Variants in DERPC observed in about 807,000 individuals in gnomAD.
DERPC encodes DERPC proline and glycine rich nuclear protein.
A neutral mutation model predicts 7.2 loss-of-function variants in DERPC; 1 was observed. The ratio of observed to expected loss-of-function variants is 0.14; its 90% CI spans 0.05 to 0.66. DERPC has a LOEUF of 0.66. Ranked by LOEUF, DERPC falls within the 30% of genes least tolerant of loss-of-function variation. The pLI, the probability that DERPC is intolerant of heterozygous loss-of-function variation, is 0.84. For missense variants in DERPC, 502 were observed against 299.4 expected (o/e 1.68, Z -4.99); for synonymous variants, 185 against 117.6 (o/e 1.57, Z -3.71).
At chr16:69,129,089 C>CAA (rs768378198) in intron 1 of DERPC, among the ~76,000 whole-genome samples, 1 of 144,562 alleles carries the variant, frequency 6.9e-6, no homozygotes, top group Admixed American at 6.9e-5. Context: ...TGAAACAAAA[C>CAA]AAAAAAAAAA....
In DERPC at chr16:69,119,043, A is replaced by C. The variant is rs1161489340; in HGVS notation, c.1386T>G (p.Ala462=). ...SPAGPVGINP[A]PFTRPTGTLG... is the part of the protein sequence containing the mutation. ...GGGTCCCAGTTGGCCTTGTGAAAGGAGCTGGGTTGATACCCACAGGGCCAG... is the reference window on the plus strand; with the variant it reads ...GGGTCCCAGTTGGCCTTGTGAAAGGCGCTGGGTTGATACCCACAGGGCCAG... The change falls in exon 3 of 3, where the codon GCT becomes GCG. Residue 462 remains alanine, a synonymous_variant. Coordinates refer to ENST00000519520, the MANE Select transcript of DERPC (RefSeq NM_001002847.4). The C allele has an allele frequency of 5.7e-6, 4 of 702,948 alleles. No individual in the cohort carries two copies. The African/African-American group carries it at 7.0e-5, about 12-fold the overall frequency. The allele number at this position is 702,948 out of a possible 1,614,324, so 43.5% of individuals were successfully genotyped here.
intron 1 of DERPC, among the ~76,000 whole-genome samples, chr16:69,126,391 A>G (rs1443416987): frequency 6.6e-6 from 1 of 152,234 alleles, no homozygotes; most frequent in East Asian, 1.9e-4. Flanking sequence ...GGGATGGCAC[A>G]GCTGTACTTG....
Position 69,120,696 on chromosome 16 carries a change from A to AT in DERPC, c.-221-48dup. 1 of 1,535,662 alleles carries AT rather than the reference A, an allele frequency of 6.5e-7. No homozygotes were observed. Among genetic ancestry groups the AT allele is most frequent in the Non-Finnish European group, 8.9e-7 (1 of 1,119,054 alleles). On this transcript the variant is annotated intron_variant, in intron 2 of 2. Transcript: ENST00000519520. The surrounding 1 kb of genome is among the most constrained non-coding windows in gnomAD (Gnocchi z 4.0). ...ATTCCTGAGGTTCCGGGGCAAGGCC[A>AT]TAACACTCAGGCGCCTCCTAAAGCT...
Position 69,120,329 on chromosome 16 carries a change from C to G in DERPC, c.100G>C (p.Gly34Arg), listed in dbSNP as rs1567588185. ...GRLDGSLGPQ[G>R]GPVLNTGHPL... is the part of the protein sequence containing the mutation. Reference sequence around the variant, plus strand: ...TGGCCTGTGTTCAGAACAGGACCCCCCTGTGGTCCCAGGGAACCGTCGAGC... The same window carrying G: ...TGGCCTGTGTTCAGAACAGGACCCCGCTGTGGTCCCAGGGAACCGTCGAGC... Residue 34 changes from glycine to arginine, a missense_variant, in exon 3 of 3, where the codon GGG (glycine) becomes CGG (arginine). Coordinates refer to ENST00000519520, the MANE Select transcript of DERPC (RefSeq NM_001002847.4). The surrounding 1 kb of genome is among the most constrained non-coding windows in gnomAD (Gnocchi z 4.0). 12 of 1,210,574 alleles carry G rather than the reference C, an allele frequency of 9.9e-6. No individual in the cohort carries two copies. Among genetic ancestry groups the G allele is most frequent in the Middle Eastern group, 1.9e-4 (1 of 5,342 alleles). The allele number at this position is 1,210,574 out of a possible 1,614,324, so 75.0% of individuals were successfully genotyped here.
chr16:69,129,177 T>TC (rs1487409686), intron 1 of DERPC, among the ~76,000 whole-genome samples: 1 of 151,846 alleles, frequency 6.6e-6, no homozygotes, highest in Non-Finnish European at 1.5e-5. Flanking sequence ...ACACCTGTAA[T>TC]CCCAGCACTT....
At chr16:69,129,153 G>A (rs776178521) in intron 1 of DERPC, among the ~76,000 whole-genome samples, 2 of 150,626 alleles carry the variant, frequency 1.3e-5, no homozygotes, top group African/African-American at 4.9e-5. Flanking sequence ...GGCAGAGGCC[G>A]GGTGCGGTGG....
At position 69,132,493 on chromosome 16, in the gene DERPC, C is replaced by T. The variant is rs1261515296; in HGVS notation, c.-289G>A. The T allele has an allele frequency of 3.8e-6, 1 of 265,482 alleles. No homozygotes were observed. Among genetic ancestry groups the T allele is most frequent in the Non-Finnish European group, 7.2e-6 (1 of 138,368 alleles). The allele number at this position is 265,482 out of a possible 1,614,324, so 16.4% of individuals were successfully genotyped here. ...CCGCCCGCGGCCTGACCTGCAATGG[C>T]GGCCGCCGAGCGCGGCGCCGCGCGG... On this transcript the variant is annotated 5_prime_UTR_variant, in exon 1 of 3. Coordinates refer to ENST00000519520, the MANE Select transcript of DERPC (RefSeq NM_001002847.4).
At chr16:69,124,349 C>T (rs554576894) in intron 1 of DERPC, among the ~76,000 whole-genome samples, 3 of 152,248 alleles carry the variant, frequency 2.0e-5, no homozygotes, top group African/African-American at 7.2e-5. Context: ...TGTTTACCAC[C>T]TGTAGTATGG....
chr16:69,124,377 T>C (rs946225172), intron 1 of DERPC, among the ~76,000 whole-genome samples: 3 of 152,150 alleles, frequency 2.0e-5, no homozygotes, highest in Non-Finnish European at 2.9e-5. Context: ...ATAGGTATTA[T>C]AATTGTGCTC....
rs563100861 is a variant in DERPC at position 69,118,276 on chromosome 16, G to A, written c.*578C>T. The A allele has an allele frequency of 1.1e-6, 1 of 894,890 alleles. No homozygotes were observed. The highest frequency in any genetic ancestry group is 2.5e-5 in the East Asian group (1 of 40,124). The allele number at this position is 894,890 out of a possible 1,614,324, so 55.4% of individuals were successfully genotyped here. On this transcript the variant is annotated 3_prime_UTR_variant, in exon 3 of 3. Coordinates refer to ENST00000519520, the MANE Select transcript of DERPC (RefSeq NM_001002847.4). ...AAGTCCCAGGAGAAGGGAGCTGCAG[G>A]CCCAGTCAGTCAAGCAGAAACTGCA...
In DERPC at chr16:69,120,823, A is replaced by AGCC; in HGVS notation, c.-221-177_-221-175dup. ...CACCCATGTGCCCTTTTTACTTTCT[A>AGCC]GCCCCACATAGGAGAATTTCCACTT... is the stretch of plus-strand genomic sequence containing the variant. On this transcript the variant is annotated intron_variant, in intron 2 of 2. Transcript: ENST00000519520. This position sits in a 1 kb window ranked among gnomAD's most constrained non-coding sequence, Gnocchi z 4.0. 1.4e-6 allele frequency: 1 copy of AGCC among 727,528 alleles called. No homozygotes were observed. Among genetic ancestry groups the AGCC allele is most frequent in the Non-Finnish European group, 2.4e-6 (1 of 413,854 alleles). The allele number at this position is 727,528 out of a possible 1,614,324, so 45.1% of individuals were successfully genotyped here. A position where few individuals can be genotyped will look rare whatever the true frequency, so the allele number is the denominator to read the frequency against.
intron 1 of DERPC, 166 bp downstream of exon 1, chr16:69,132,299 CCCCCTTCCCGGCCACCCCT>C (rs1962605115): frequency 6.8e-6 from 1 of 147,444 alleles, no homozygotes; most frequent in African/African-American, 2.5e-5. Flanking sequence ...CCGCCGCCCT[CCCCCTTCCCGGCCACCCCT>C]CCCCCGCCCG....
At position 69,119,995 on chromosome 16, in the gene DERPC, G is replaced by A. The variant is rs953378157; in HGVS notation, c.434C>T (p.Pro145Leu). 7.2e-6 allele frequency: 5 copies of A among 695,322 alleles called. No homozygotes were observed. Among genetic ancestry groups the A allele is most frequent in the Non-Finnish European group, 1.3e-5 (5 of 379,810 alleles). The allele number at this position is 695,322 out of a possible 1,614,324, so 43.1% of individuals were successfully genotyped here. A position where few individuals can be genotyped will look rare whatever the true frequency, so the allele number is the denominator to read the frequency against. The change falls in exon 3 of 3, where the codon CCC (proline) becomes CTC (leucine). Residue 145 changes from proline to leucine, a missense_variant. Transcript: ENST00000519520. ...TGGTCCTGGGAGACCCCCTAACCTG[G>A]GGTTAGACAGAGGCCCTGGGCCTGG... is the stretch of plus-strand genomic sequence containing the variant. ...ALPGPGPLSN[P>L]RLGGLPGPGP...
rs187473707 is a variant in DERPC, at chr16:69,121,544, T to C, written c.-279-51A>G. ...GGGTAATAACAACAACAACTAATAATGACACCTAATGCAACCTCCACCTCC... is the reference window on the plus strand; with the variant it reads ...GGGTAATAACAACAACAACTAATAACGACACCTAATGCAACCTCCACCTCC... On this transcript the variant is annotated intron_variant, in intron 1 of 2. Coordinates refer to ENST00000519520, the MANE Select transcript of DERPC (RefSeq NM_001002847.4). 2,958 of 1,115,664 alleles carry C rather than the reference T, an allele frequency of 2.7e-3. 10 individuals are homozygous for C. The highest frequency in any genetic ancestry group is 3.7e-3 in the Admixed American group (165 of 44,160). 69.1% of individuals were successfully genotyped at this position (1,115,664 alleles called of 1,614,324 possible). A position where few individuals can be genotyped will look rare whatever the true frequency, so the allele number is the denominator to read the frequency against.
chr16:69,132,463 G>GA, intron 1 of DERPC, 21 bp downstream of exon 1: 1 of 208,006 alleles, frequency 4.8e-6, no homozygotes, highest in South Asian at 6.6e-5. Context: ...AGCCTCCCGT[G>GA]CCCCCCGCCC....
chr16:69,121,283 G>A, intron 2 of DERPC, 153 bp downstream of exon 2: 4 of 1,276,916 alleles, frequency 3.1e-6, no homozygotes, highest in Non-Finnish European at 4.4e-6. Flanking sequence ...CAAGTTCTTG[G>A]GAAATTGGGC....
In DERPC at chr16:69,118,076, C is replaced by G. The variant is rs1225868371; in HGVS notation, c.*778G>C. 2.0e-6 allele frequency: 1 copy of G among 511,540 alleles called. No individual in the cohort carries two copies. The highest frequency in any genetic ancestry group is 1.9e-5 in the African/African-American group (1 of 52,398). The allele number at this position is 511,540 out of a possible 1,614,324, so 31.7% of individuals were successfully genotyped here. A position where few individuals can be genotyped will look rare whatever the true frequency, so the allele number is the denominator to read the frequency against. On this transcript the variant is annotated 3_prime_UTR_variant, in exon 3 of 3. Coordinates refer to ENST00000519520, the MANE Select transcript of DERPC (RefSeq NM_001002847.4). ...ACAATGCAGGAAAACCACCAACCAT[C>G]CTTGCACACCAGGCCGAACAAAGCA... is the stretch of plus-strand genomic sequence containing the variant.
At chr16:69,127,170 G>A (rs1211964596) in intron 1 of DERPC, among the ~76,000 whole-genome samples, 2 of 151,628 alleles carry the variant, frequency 1.3e-5, no homozygotes, top group African/African-American at 2.4e-5. Context: ...CCTGGGAGGC[G>A]GAGGCTGCAG....
Position 69,121,753 on chromosome 16 carries a change from C to T in DERPC, c.-279-260G>A, listed in dbSNP as rs537319290. 3.9e-4 allele frequency among the ~76,000 whole-genome samples: 59 copies of T among 152,128 alleles called. No homozygotes were observed. The South Asian group carries it at 6.5e-3, about 17-fold the overall frequency. Reference sequence around the variant, plus strand: ...CACGATCTCAGCTCACTGCAAGCTCCGCCTCCGGGGTTCATGCCATTCTCC... The same window carrying T: ...CACGATCTCAGCTCACTGCAAGCTCTGCCTCCGGGGTTCATGCCATTCTCC... On this transcript the variant is annotated intron_variant, in intron 1 of 2. Transcript: ENST00000519520.
Sources: gnomAD v4.1 joint callset for allele counts (sites outside exome capture counted in the v4.1 genomes callset) on GRCh38, gnomAD v4.1.1 for gene constraint, Gnocchi (gnomAD v3.1) non-coding constraint, MANE v1.5 for transcripts, NCBI Gene and HGNC (gene_info 2026-07-23, HGNC 2026-07-21) for gene names.